The following UBE2D2 variants were observed in gnomAD, a reference collection of about 807,000 sequenced individuals.
UBE2D2 encodes ubiquitin conjugating enzyme E2 D2, also known as ubiquitin-conjugating enzyme E2 D2.
In UBE2D2, 2 loss-of-function variants were observed where a neutral mutation model predicts 24.2. The ratio of observed to expected loss-of-function variants is 0.08; its 90% CI spans 0.03 to 0.26. UBE2D2 has a LOEUF of 0.26. Ranked by LOEUF, UBE2D2 falls within the 10% of genes least tolerant of loss-of-function variation. The pLI is 1.00. For missense variants in UBE2D2, 44 were observed against 177.6 expected, an observed-to-expected ratio of 0.25 and a Z score of 4.28; for synonymous variants, 58 against 56.5, an observed-to-expected ratio of 1.03 and a Z score of -0.12.
intron 1 of UBE2D2, among the ~76,000 whole-genome samples, chr5:139,580,511 G>A (rs1753576343): frequency 6.6e-6 from 1 of 152,164 alleles, no homozygotes; most frequent in African/African-American, 2.4e-5. Flanking sequence ...ACCCAGGCTG[G>A]AGTGCAGTGG....
intron 6 of UBE2D2, among the ~76,000 whole-genome samples, chr5:139,624,790 G>A (rs372022654): frequency 4.6e-5 from 7 of 152,332 alleles, no homozygotes; most frequent in African/African-American, 1.7e-4. Context: ...TCCAACTTGA[G>A]TTCTAGTGGA....
intron 1 of UBE2D2, among the ~76,000 whole-genome samples, chr5:139,583,495 C>T (rs902430600): frequency 7.2e-5 from 11 of 152,144 alleles, no homozygotes; most frequent in African/African-American, 2.7e-4. Flanking sequence ...GGTGCAGTGG[C>T]TTACGCCTGT....
chr5:139,562,000 G>A (rs1753111214), intron 1 of UBE2D2, 185 bp downstream of exon 1: 2 of 940,640 alleles, frequency 2.1e-6, no homozygotes, highest in Non-Finnish European at 3.0e-6. Flanking sequence ...CGCAGCCCGC[G>A]CTTAGGCCGG....
At chr5:139,580,900 G>A (rs1367456303) in intron 1 of UBE2D2, among the ~76,000 whole-genome samples, 1 of 152,188 alleles carries the variant, frequency 6.6e-6, no homozygotes, top group African/African-American at 2.4e-5. Context: ...CTGAGCGACA[G>A]AGTGAGACTC....
chr5:139,588,982 C>G (rs745494016), intron 1 of UBE2D2, among the ~76,000 whole-genome samples: 4 of 152,062 alleles, frequency 2.6e-5, no homozygotes, highest in Non-Finnish European at 5.9e-5. Context: ...TTTGTAGAGA[C>G]AAGGTCTCCC....
chr5:139,548,515 C>A (rs577899998), intron 1 of UBE2D2, among the ~76,000 whole-genome samples: 1 of 152,076 alleles, frequency 6.6e-6, no homozygotes, highest in Non-Finnish European at 1.5e-5. Context: ...ACCCAAAACC[C>A]CAGCTTCACA....
At chr5:139,615,785 A>G (rs899043251) in intron 5 of UBE2D2, among the ~76,000 whole-genome samples, 1 of 151,428 alleles carries the variant, frequency 6.6e-6, no homozygotes, top group South Asian at 2.1e-4. Flanking sequence ...CAACCCTTCA[A>G]CATTATTCCC....
chr5:139,596,411 A>T (rs1753960763), intron 1 of UBE2D2, among the ~76,000 whole-genome samples: 1 of 151,692 alleles, frequency 6.6e-6, no homozygotes, highest in Non-Finnish European at 1.5e-5. Flanking sequence ...CTCCTGCCTC[A>T]GCCTCCCCGG....
chr5:139,537,780 C>T (rs1410174577), intron 1 of UBE2D2, among the ~76,000 whole-genome samples: 4 of 151,610 alleles, frequency 2.6e-5, no homozygotes, highest in Admixed American at 6.6e-5. Context: ...CTGGCTAACA[C>T]GGTGAGACCC....
upstream of UBE2D2, among the ~76,000 whole-genome samples, chr5:139,557,164 G>A (rs1038759146): frequency 5.4e-5 from 7 of 130,694 alleles, no homozygotes; most frequent in Non-Finnish European, 1.1e-4. Flanking sequence ...ACTGAGTTTT[G>A]CTCTTGTTGC....
At chr5:139,578,755 T>A (rs1048154324) in intron 1 of UBE2D2, among the ~76,000 whole-genome samples, 1 of 152,074 alleles carries the variant, frequency 6.6e-6, no homozygotes, top group Non-Finnish European at 1.5e-5. Context: ...CTGCTAAACT[T>A]CTGTTTTGTT....
intron 1 of UBE2D2, among the ~76,000 whole-genome samples, chr5:139,564,067 C>G (rs1481154827): frequency 6.6e-6 from 1 of 152,096 alleles, no homozygotes; most frequent in African/African-American, 2.4e-5. Flanking sequence ...AATATAGTTT[C>G]TTATGAGTTG....
intron 1 of UBE2D2, among the ~76,000 whole-genome samples, chr5:139,582,819 C>T (rs1048901039): frequency 2.0e-5 from 3 of 151,372 alleles, no homozygotes; most frequent in East Asian, 3.9e-4. Context: ...TGCAGGCATC[C>T]GCCGCCACGC....
intron 1 of UBE2D2, among the ~76,000 whole-genome samples, chr5:139,597,687 T>C (rs1476136895): frequency 6.6e-6 from 1 of 152,242 alleles, no homozygotes; most frequent in Non-Finnish European, 1.5e-5. Context: ...ATTAACAACC[T>C]GTTGCTATAG....
intron 1 of UBE2D2, among the ~76,000 whole-genome samples, chr5:139,594,650 G>A (rs1174709966): frequency 6.6e-6 from 1 of 152,110 alleles, no homozygotes; most frequent in Non-Finnish European, 1.5e-5. Flanking sequence ...CTGACCTCAG[G>A]TGATCCACCC....
chr5:139,605,709 C>T (rs1754183697), intron 2 of UBE2D2, among the ~76,000 whole-genome samples: 1 of 151,286 alleles, frequency 6.6e-6, no homozygotes, highest in Admixed American at 6.6e-5. Flanking sequence ...CCTCCCCTCC[C>T]TCTCTCCCTC....
At chr5:139,615,402 G>A (rs980232003) in intron 5 of UBE2D2, among the ~76,000 whole-genome samples, 12 of 152,024 alleles carry the variant, frequency 7.9e-5, no homozygotes, top group South Asian at 2.1e-4. Context: ...GGAGAATGGT[G>A]TGAACCCGGG....
rs1753103729 is a variant in UBE2D2 at position 139,561,748 on chromosome 5, GC to G, written c.-39del. On this transcript the variant is annotated 5_prime_UTR_variant, in exon 1 of 7. Coordinates refer to ENST00000398733, the MANE Select transcript of UBE2D2 (RefSeq NM_003339.3). ...CTAGCCCCTTCCCCGTCCCTTCCCCGCCCCCGTCCCCGCCCCGGGGGCCGCC... is the reference window on the plus strand; with the variant it reads ...CTAGCCCCTTCCCCGTCCCTTCCCCGCCCCGTCCCCGCCCCGGGGGCCGCC... 1.9e-6 allele frequency: 1 copy of G among 513,252 alleles called. No individual in the cohort carries two copies. The highest frequency in any genetic ancestry group is 6.6e-5 in the East Asian group (1 of 15,046). 31.8% of individuals were successfully genotyped at this position (513,252 alleles called of 1,614,324 possible).
At chr5:139,532,569 T>C (rs1395821999) in intron 1 of UBE2D2, among the ~76,000 whole-genome samples, 1 of 152,024 alleles carries the variant, frequency 6.6e-6, no homozygotes, top group African/African-American at 2.4e-5. Context: ...GCCAGGATGG[T>C]ATCAATCTCC....
Sources: gnomAD v4.1 joint callset for allele counts (sites outside exome capture counted in the v4.1 genomes callset) on GRCh38, gnomAD v4.1.1 for gene constraint, MANE v1.5 for transcripts, NCBI Gene and HGNC (gene_info 2026-07-23, HGNC 2026-07-21) for gene names.